MME: variants seen among roughly 807,000 people sequenced by gnomAD.
MME encodes the protein neprilysin.
MME carries 98 observed loss-of-function variants against 113.2 expected under a neutral mutation model. That is an observed-to-expected ratio of 0.87 (90% CI 0.74 to 1.02). The LOEUF (loss-of-function observed/expected upper bound fraction) is 1.02. Among genes scored for constraint, MME ranks in the 50% least tolerant of loss-of-function variants. The pLI is 0.00. For synonymous variants in MME, 292 were observed against 300.6 expected (o/e 0.97, Z 0.30); for missense variants, 836 against 896.0 (o/e 0.93, Z 0.86).
At chr3:155,043,395 G>A (rs544813365) in intron 1 of MME, among the ~76,000 whole-genome samples, 5 of 150,530 alleles carry the variant, frequency 3.3e-5, no homozygotes, top group African/African-American at 9.8e-5. Flanking sequence ...GCAATGGTGC[G>A]ATCTTGGCTC....
Position 155,142,134 on chromosome 3 carries a change from A to G in MME, c.1094+7A>G. The G allele has an allele frequency of 6.2e-7, 1 of 1,613,828 alleles. No individual in the cohort carries two copies. The highest frequency in any genetic ancestry group is 1.1e-5 in the South Asian group (1 of 91,084). ...TTACCAAATATTCTGCCAGGTAGGTATGTCACAGTCCCCATGTCCTCAAAG... is the reference window on the plus strand; with the variant it reads ...TTACCAAATATTCTGCCAGGTAGGTGTGTCACAGTCCCCATGTCCTCAAAG... On this transcript the variant is annotated splice_region_variant and intron_variant, in intron 11 of 22. Transcript: ENST00000360490.
At chr3:155,108,770 C>A (rs947626769) in intron 3 of MME, among the ~76,000 whole-genome samples, 1 of 152,042 alleles carries the variant, frequency 6.6e-6, no homozygotes, top group Admixed American at 6.6e-5. Context: ...AAACCCTCCC[C>A]CCTCCACCAG....
intron 1 of MME, among the ~76,000 whole-genome samples, chr3:155,032,089 G>A (rs1712992649): frequency 1.3e-5 from 2 of 152,158 alleles, no homozygotes; most frequent in South Asian, 2.1e-4. Flanking sequence ...TTGATGTGAG[G>A]TAACACCATA....
intron 18 of MME, 22 bp downstream of exon 18, chr3:155,167,043 C>T: frequency 1.2e-6 from 2 of 1,613,132 alleles, no homozygotes; most frequent in Non-Finnish European, 1.7e-6. Flanking sequence ...TTGACATTTT[C>T]CTTTGGCTGA....
intron 22 of MME, among the ~76,000 whole-genome samples, chr3:155,177,966 T>A (rs1712720033): frequency 6.6e-6 from 1 of 152,158 alleles, no homozygotes; most frequent in Non-Finnish European, 1.5e-5. Context: ...CCAATGCTCA[T>A]GAGCTCCAGA....
At chr3:155,075,337 C>G (rs1009574117), upstream of MME, among the ~76,000 whole-genome samples, 2 of 151,938 alleles carry the variant, frequency 1.3e-5, no homozygotes, top group Admixed American at 6.6e-5. Context: ...CTCTTTTAAA[C>G]AGAAGACAGC....
intron 3 of MME, among the ~76,000 whole-genome samples, chr3:155,096,222 C>T (rs1445428158): frequency 1.3e-5 from 2 of 152,092 alleles, no homozygotes; most frequent in Non-Finnish European, 2.9e-5. Flanking sequence ...ATTAAAATGC[C>T]GCAGGGGACA....
At chr3:155,114,911 G>T (rs986373227) in intron 3 of MME, 83 bp from the exon 4 acceptor site, 2 of 1,390,668 alleles carry the variant, frequency 1.4e-6, no homozygotes, top group African/African-American at 2.9e-5. Context: ...GCAATCAAAA[G>T]GGAGCAATAA....
At chr3:155,135,193 T>TAGA (rs2108298038) in intron 8 of MME, among the ~76,000 whole-genome samples, 1 of 152,262 alleles carries the variant, frequency 6.6e-6, no homozygotes, top group South Asian at 2.1e-4. Flanking sequence ...TTTGAGGACT[T>TAGA]AGTGATAAAC....
chr3:155,065,067 T>C (rs561632264), intron 1 of MME, among the ~76,000 whole-genome samples: 1 of 152,322 alleles, frequency 6.6e-6, no homozygotes, highest in African/African-American at 2.4e-5. Flanking sequence ...GCTAATTCCA[T>C]CTGTGACAAT....
intron 17 of MME, among the ~76,000 whole-genome samples, chr3:155,164,001 G>T (rs1346766640): frequency 5.3e-5 from 8 of 151,892 alleles, no homozygotes; most frequent in Non-Finnish European, 8.8e-5. Flanking sequence ...AAAATTAACT[G>T]GGCATGGTGG....
At chr3:155,173,462 T>G (rs1712201185) in intron 22 of MME, among the ~76,000 whole-genome samples, 1 of 152,078 alleles carries the variant, frequency 6.6e-6, no homozygotes, top group Non-Finnish European at 1.5e-5. Flanking sequence ...GATCATTTAC[T>G]CCTGGGAAAA....
At chr3:155,144,715 T>C (rs1027562180) in intron 14 of MME, among the ~76,000 whole-genome samples, 7 of 152,152 alleles carry the variant, frequency 4.6e-5, no homozygotes, top group African/African-American at 1.4e-4. Flanking sequence ...TGGTGCACTA[T>C]TGGTGCATTA....
At chr3:155,172,334 T>C in intron 21 of MME, 122 bp downstream of exon 21, 1 of 812,470 alleles carries the variant, frequency 1.2e-6, no homozygotes, top group Non-Finnish European at 2.1e-6. Flanking sequence ...TTCACTTTCA[T>C]TGTTTATAAT....
At chr3:155,159,153 T>C (rs1722526111) in intron 16 of MME, among the ~76,000 whole-genome samples, 1 of 152,062 alleles carries the variant, frequency 6.6e-6, no homozygotes, top group Admixed American at 6.6e-5. Context: ...TAAAATTCAC[T>C]TCTGACAGCC....
chr3:155,063,396 A>G (rs1221387892), intron 1 of MME, among the ~76,000 whole-genome samples: 1 of 108,738 alleles, frequency 9.2e-6, no homozygotes, highest in Non-Finnish European at 1.7e-5. Context: ...TATTTCATAT[A>G]TATTTTATAT....
intron 1 of MME, among the ~76,000 whole-genome samples, chr3:155,029,331 A>T (rs551517150): frequency 7.9e-5 from 12 of 151,944 alleles, no homozygotes; most frequent in Admixed American, 4.6e-4. Context: ...TTCTTAAAAA[A>T]TTTTTTTCTA....
intron 17 of MME, among the ~76,000 whole-genome samples, chr3:155,163,775 A>G (rs1722887848): frequency 6.6e-6 from 1 of 152,144 alleles, no homozygotes; most frequent in African/African-American, 2.4e-5. Context: ...TGCCTTATTT[A>G]TTCTTAGGAG....
At chr3:155,098,415 G>A (rs1716921703) in intron 3 of MME, among the ~76,000 whole-genome samples, 1 of 152,010 alleles carries the variant, frequency 6.6e-6, no homozygotes, top group Admixed American at 6.6e-5. Context: ...AATTAGCTGG[G>A]CGTGGTGGTG....
Sources: allele counts gnomAD v4.1 joint callset (sites outside exome capture counted in the v4.1 genomes callset), GRCh38; gene constraint gnomAD v4.1.1; transcripts MANE v1.5; gene names NCBI Gene and HGNC (gene_info 2026-07-23, HGNC 2026-07-21).